MX2: variants seen among roughly 807,000 people sequenced by gnomAD.
MX2 encodes the protein MX dynamin like GTPase 2.
In MX2, 51 loss-of-function variants were observed where a neutral mutation model predicts 74.0. The observed-to-expected ratio is 0.69, with a 90% confidence interval of 0.55 to 0.87. MX2 has a LOEUF of 0.87. MX2 is among the 40% of genes least tolerant of loss of function. The pLI is 0.00. For missense variants in MX2, 832 were observed against 908.7 expected (o/e 0.92, Z 1.09); for synonymous variants, 369 against 339.3 (o/e 1.09, Z -0.96).
chr21:41,383,092 C>T (rs541004525), intron 5 of MX2, among the ~76,000 whole-genome samples: 15 of 152,230 alleles, frequency 9.9e-5, no homozygotes, highest in Middle Eastern at 3.4e-3. Flanking sequence ...GGCACGGTGG[C>T]GCATGCCTGT....
At chr21:41,384,253 T>G (rs2089538614) in intron 5 of MX2, among the ~76,000 whole-genome samples, 1 of 152,128 alleles carries the variant, frequency 6.6e-6, no homozygotes, top group Non-Finnish European at 1.5e-5. Flanking sequence ...AATTACCCAG[T>G]CTCAGGTAGT....
chr21:41,379,974 C>A, intron 3 of MX2, 43 bp from the exon 4 acceptor site: 1 of 1,608,956 alleles, frequency 6.2e-7, no homozygotes, highest in Non-Finnish European at 8.5e-7. Flanking sequence ...AGTGCCACTT[C>A]TTTAAAAGGA....
chr21:41,407,607 G>A (rs759065407), intron 13 of MX2, among the ~76,000 whole-genome samples: 24 of 152,316 alleles, frequency 1.6e-4, no homozygotes, highest in Admixed American at 3.9e-4. Flanking sequence ...TGGCTGCCAG[G>A]CATACTGGCT....
intron 1 of MX2, among the ~76,000 whole-genome samples, chr21:41,371,536 T>C (rs747377664): frequency 5.9e-5 from 9 of 152,126 alleles, no homozygotes; most frequent in Non-Finnish European, 1.2e-4. Flanking sequence ...CGAGACTTGG[T>C]GTGTGAGGCT....
intron 3 of MX2, among the ~76,000 whole-genome samples, chr21:41,378,407 A>G (rs2089443575): frequency 6.6e-6 from 1 of 151,502 alleles, no homozygotes; most frequent in African/African-American, 2.4e-5. Flanking sequence ...ACATGTTTAA[A>G]TAGCTTTCAC....
intron 5 of MX2, among the ~76,000 whole-genome samples, chr21:41,386,757 G>T (rs2089583568): frequency 6.6e-6 from 1 of 152,168 alleles, no homozygotes; most frequent in Admixed American, 6.5e-5. Flanking sequence ...CACGTTCCTG[G>T]GCTTGTGAAG....
intron 12 of MX2, 96 bp from the exon 13 acceptor site, chr21:41,406,648 T>G: frequency 3.1e-6 from 4 of 1,281,468 alleles, no homozygotes; most frequent in Non-Finnish European, 4.3e-6. Context: ...GGATTCGTTT[T>G]ATTTCTGAGT....
chr21:41,384,974 A>G (rs1288602665), intron 5 of MX2, among the ~76,000 whole-genome samples: 1 of 152,254 alleles, frequency 6.6e-6, no homozygotes, highest in African/African-American at 2.4e-5. Context: ...GAACAGGAAG[A>G]ATAAATGTTA....
intron 1 of MX2, among the ~76,000 whole-genome samples, chr21:41,370,802 T>A (rs1309170756): frequency 6.6e-6 from 1 of 152,182 alleles, no homozygotes; most frequent in African/African-American, 2.4e-5. Flanking sequence ...GCAGCCTATG[T>A]GTGTCTGGGC....
intron 12 of MX2, among the ~76,000 whole-genome samples, chr21:41,405,945 C>G (rs1018650317): frequency 6.6e-6 from 1 of 151,894 alleles, no homozygotes; most frequent in Non-Finnish European, 1.5e-5. Flanking sequence ...CTCAGGTGAC[C>G]CACCTGCCTC....
chr21:41,379,923 C>G (rs1481217906), intron 3 of MX2, 94 bp from the exon 4 acceptor site: 6 of 1,517,644 alleles, frequency 4.0e-6, no homozygotes, highest in African/African-American at 1.4e-5. Context: ...GCAGACGAGG[C>G]CTTTGGGGAC....
At chr21:41,382,849 T>C (rs1304218047) in intron 5 of MX2, among the ~76,000 whole-genome samples, 1 of 152,218 alleles carries the variant, frequency 6.6e-6, no homozygotes, top group East Asian at 1.9e-4. Context: ...TTGTGATCAG[T>C]TGTGCTGATA....
intron 1 of MX2, chr21:41,364,939 C>T (rs1409309612): frequency 6.6e-6 from 1 of 152,172 alleles, no homozygotes; most frequent in Non-Finnish European, 1.5e-5. Flanking sequence ...CTTTCCAAGC[C>T]ACTGACTCAA....
intron 4 of MX2, 75 bp from the exon 5 acceptor site, chr21:41,382,335 A>G (rs1056817679): frequency 1.1e-5 from 16 of 1,521,878 alleles, no homozygotes; most frequent in Non-Finnish European, 1.3e-5. Context: ...AGGAGCAGTC[A>G]TTACCTTCAG....
Position 41,391,005 on chromosome 21 carries a change from C to CAA in MX2, c.871+315_871+316dup, listed in dbSNP as rs776077046. Among the ~76,000 whole-genome samples the CAA allele has an allele frequency of 1.5e-4, 18 of 116,168 alleles. No individual in the cohort carries two copies. The South Asian group carries it at 1.7e-3, about 11-fold the overall frequency. The allele number at this position is 116,168 out of a possible 152,430, so 76.2% of individuals were successfully genotyped here. A position where few individuals can be genotyped will look rare whatever the true frequency, so the allele number is the denominator to read the frequency against. On this transcript the variant is annotated intron_variant, in intron 6 of 13. Coordinates refer to ENST00000330714, the MANE Select transcript of MX2 (RefSeq NM_002463.2). ...TGGGCGACAGAGCAAGACTCCATCT[C>CAA]AAAAAAAAAAAAAAGAACCAAGCTT...
intron 5 of MX2, among the ~76,000 whole-genome samples, chr21:41,387,010 C>A (rs1284385546): frequency 6.6e-6 from 1 of 150,390 alleles, no homozygotes; most frequent in African/African-American, 2.5e-5. Flanking sequence ...ACAACAACAA[C>A]AAAATAAGGC....
rs138053041 is a variant in MX2, at chr21:41,399,310, G to C, written c.1387G>C (p.Gly463Arg). ...CAGAGAGGATTTTAAAAACTGGGTA[G>C]GCATACTTGCAACTAATACCCAAAA... The part of the protein sequence containing the change: ...KIREDFKNWV[G>R]ILATNTQKVK... The change falls in exon 10 of 14, where the codon GGC (glycine) becomes CGC (arginine). Residue 463 changes from glycine to arginine, a missense_variant. Gly to Arg is a moderately radical substitution (Grantham distance 125). Transcript: ENST00000330714. The C allele has an allele frequency of 2.3e-4, 364 of 1,614,084 alleles. 1 individual carries two copies. Among genetic ancestry groups the C allele is most frequent in the Admixed American group, 4.8e-4 (29 of 60,016 alleles).
chr21:41,404,997 T>TA (rs1425832098), intron 12 of MX2: 2 of 151,930 alleles, frequency 1.3e-5, no homozygotes, highest in Non-Finnish European at 2.9e-5. Context: ...CCTTCAGTTT[T>TA]AAAAAGTCTA....
Position 41,380,446 on chromosome 21 carries a change from TCTCTA to T in MX2, c.577+299_577+303del, listed in dbSNP as rs2089474122. Among the ~76,000 whole-genome samples the T allele has an allele frequency of 6.6e-6, 1 of 151,802 alleles. No individual in the cohort carries two copies. The highest frequency in any genetic ancestry group is 2.4e-5 in the African/African-American group (1 of 41,114). Reference sequence around the variant, plus strand: ...TCCCGCTCCCCGCCAGCCCAGGCTTTCTCTACTCCACAGGGTACTCGCCCTCTCTT... The same window carrying T: ...TCCCGCTCCCCGCCAGCCCAGGCTTTCTCCACAGGGTACTCGCCCTCTCTT... On this transcript the variant is annotated intron_variant, in intron 4 of 13. Coordinates refer to ENST00000330714, the MANE Select transcript of MX2 (RefSeq NM_002463.2). The surrounding 1 kb of genome is among the most constrained non-coding windows in gnomAD (Gnocchi z 4.3).
Sources: allele counts gnomAD v4.1 joint callset (sites outside exome capture counted in the v4.1 genomes callset), GRCh38; gene constraint gnomAD v4.1.1; non-coding constraint Gnocchi (gnomAD v3.1); transcripts MANE v1.5; gene names NCBI Gene and HGNC (gene_info 2026-07-23, HGNC 2026-07-21).